The following PCDHA2 variants were observed in gnomAD, a reference collection of about 807,000 sequenced individuals.
The protein encoded by PCDHA2 is protocadherin alpha-2.
In PCDHA2, 58 loss-of-function variants were observed where a neutral mutation model predicts 66.0. The ratio of observed to expected loss-of-function variants is 0.88; its 90% CI spans 0.71 to 1.09. PCDHA2 has a LOEUF of 1.09. PCDHA2 is among the 50% of genes least tolerant of loss of function. The pLI is 0.00. For missense variants in PCDHA2, 1,267 were observed against 1,242.3 expected (o/e 1.02, Z -0.30); for synonymous variants, 634 against 554.0 (o/e 1.14, Z -2.03).
chr5:140,844,047 C>A (rs2150368498), intron 1 of PCDHA2, among the ~76,000 whole-genome samples: 1 of 149,488 alleles, frequency 6.7e-6, no homozygotes, highest in African/African-American at 2.5e-5. Context: ...TGAAAGTATT[C>A]CCCCAAAGCG....
At chr5:140,836,309 AC>A (rs2150257365) in intron 1 of PCDHA2, 1 of 1,613,652 alleles carries the variant, frequency 6.2e-7, no homozygotes, top group East Asian at 2.2e-5. Context: ...AGACGGACGC[AC>A]CGCGCCACCG....
At chr5:140,931,947 T>C (rs782000891) in intron 1 of PCDHA2, among the ~76,000 whole-genome samples, 1 of 151,972 alleles carries the variant, frequency 6.6e-6, no homozygotes, top group Non-Finnish European at 1.5e-5. Context: ...GTCTGAGTCT[T>C]ACAGAATCAT....
At chr5:140,858,080 T>C in intron 1 of PCDHA2, 1 of 1,597,738 alleles carries the variant, frequency 6.3e-7, no homozygotes, top group Non-Finnish European at 8.6e-7. Flanking sequence ...ACCCAAGGCC[T>C]CGTCGCGGGC....
chr5:140,836,075 A>G (rs2150252045), intron 1 of PCDHA2: 15 of 1,613,656 alleles, frequency 9.3e-6, no homozygotes, highest in South Asian at 2.2e-5. Context: ...ACGCGCCGGC[A>G]CTGCTGGCGC....
At chr5:140,909,961 A>G (rs1407330494) in intron 1 of PCDHA2, among the ~76,000 whole-genome samples, 2 of 152,206 alleles carry the variant, frequency 1.3e-5, no homozygotes, top group Non-Finnish European at 2.9e-5. Flanking sequence ...GTAGGTCTCC[A>G]TGGGGAAGGA....
intron 1 of PCDHA2, among the ~76,000 whole-genome samples, chr5:140,890,615 C>A (rs1266338521): frequency 6.6e-6 from 1 of 152,026 alleles, no homozygotes; most frequent in Non-Finnish European, 1.5e-5. Context: ...AGTGCTTACC[C>A]TAGAAAATTA....
intron 1 of PCDHA2, chr5:140,830,163 C>CCA: frequency 6.2e-7 from 1 of 1,613,430 alleles, no homozygotes; most frequent in African/African-American, 1.3e-5. Context: ...GGCCCAGAGG[C>CCA]GGCGCTGGTG....
intron 1 of PCDHA2, chr5:140,848,481 GAC>G: frequency 6.4e-7 from 1 of 1,570,506 alleles, no homozygotes; most frequent in East Asian, 2.2e-5. Flanking sequence ...ATTAGAAGAA[GAC>G]TGAGTATTTG....
intron 1 of PCDHA2, among the ~76,000 whole-genome samples, chr5:140,942,620 A>C (rs1304224304): frequency 3.5e-5 from 1 of 28,710 alleles, no homozygotes; most frequent in African/African-American, 2.6e-4. Context: ...TGCCAATTGT[A>C]AAAAAAAAAA....
At chr5:140,911,909 C>G (rs113000456) in intron 1 of PCDHA2, among the ~76,000 whole-genome samples, 17,713 of 152,106 alleles carry the variant, frequency 0.12, 1,155 homozygotes, top group Middle Eastern at 0.19. Flanking sequence ...TCAGAGCTCT[C>G]TAGAGGACAG....
chr5:140,873,557 T>C (rs1347474996), intron 1 of PCDHA2, among the ~76,000 whole-genome samples: 1 of 150,760 alleles, frequency 6.6e-6, no homozygotes, highest in Non-Finnish European at 1.5e-5. Context: ...TTTCAATTTA[T>C]TTTCTAGTTT....
intron 1 of PCDHA2, chr5:140,829,601 T>C (rs2150171012): frequency 1.2e-5 from 20 of 1,611,826 alleles, no homozygotes; most frequent in Admixed American, 6.7e-5. Flanking sequence ...CGAGCGCGCG[T>C]TGTCGAGCTA....
At chr5:140,801,878 A>G in intron 1 of PCDHA2, 3 of 1,614,182 alleles carry the variant, frequency 1.9e-6, no homozygotes, top group Non-Finnish European at 1.7e-6. Context: ...GCACGACTCA[A>G]CTAAAGATCA....
At chr5:140,843,126 G>A (rs2150353418) in intron 1 of PCDHA2, 7 of 1,595,940 alleles carry the variant, frequency 4.4e-6, no homozygotes. Context: ...GCCGACTCGG[G>A]CTACAACGCG....
intron 1 of PCDHA2, among the ~76,000 whole-genome samples, chr5:140,840,970 A>G (rs1440529363): frequency 2.6e-5 from 4 of 152,082 alleles, no homozygotes; most frequent in African/African-American, 7.2e-5. Flanking sequence ...TTCCTTATGA[A>G]GAAGAAATCC....
At chr5:140,979,169 A>T (rs2096837685) in intron 2 of PCDHA2, 162 bp downstream of exon 2, 1 of 966,312 alleles carries the variant, frequency 1.0e-6, no homozygotes, top group Admixed American at 6.2e-5. Context: ...TCCTTGAAAG[A>T]TCGCAAATGG....
At chr5:140,877,192 G>A in intron 1 of PCDHA2, 2 of 1,613,846 alleles carry the variant, frequency 1.2e-6, no homozygotes, top group Non-Finnish European at 1.7e-6. Flanking sequence ...TGGCAGCGCA[G>A]GAGGCGCAGT....
At chr5:140,870,886 G>A (rs17844350) in intron 1 of PCDHA2, 1 of 1,613,944 alleles carries the variant, frequency 6.2e-7, no homozygotes, top group East Asian at 2.2e-5. Flanking sequence ...GAAGGTGCGC[G>A]CAGTGGATGC....
intron 1 of PCDHA2, among the ~76,000 whole-genome samples, chr5:140,890,662 C>G (rs75284753): frequency 3.3e-5 from 5 of 152,136 alleles, no homozygotes; most frequent in South Asian, 2.1e-4. Flanking sequence ...CAAAAGTTAA[C>G]TGAAACCCTT....
Sources: gnomAD v4.1 joint callset for allele counts (sites outside exome capture counted in the v4.1 genomes callset) on GRCh38, gnomAD v4.1.1 for gene constraint, MANE v1.5 for transcripts, NCBI Gene and HGNC (gene_info 2026-07-23, HGNC 2026-07-21) for gene names.